Variants in SLC30A10 observed in about 807,000 individuals in gnomAD.
SLC30A10 encodes calcium/manganese antiporter SLC30A10.
In SLC30A10, 8 loss-of-function variants were observed where a neutral mutation model predicts 21.7. The observed-to-expected ratio is 0.37, with a 90% CI of 0.22 to 0.67. SLC30A10 has a LOEUF of 0.67. Among genes scored for constraint, SLC30A10 ranks in the 30% least tolerant of loss-of-function variants. The probability of loss-of-function intolerance (pLI) is 0.58; values close to 1 mark genes in which losing one functional copy is unlikely to be tolerated. For synonymous variants in SLC30A10, 272 were observed against 279.4 expected, an observed-to-expected ratio of 0.97 and a Z score of 0.26; for missense variants, 521 against 642.5, an observed-to-expected ratio of 0.81 and a Z score of 2.04.
At chr1:219,957,291 G>A (rs1401604994) in intron 1 of SLC30A10, among the ~76,000 whole-genome samples, 1 of 151,986 alleles carries the variant, frequency 6.6e-6, no homozygotes, top group African/African-American at 2.4e-5. Context: ...CAGGAAAATC[G>A]ACACAGAGGT....
intron 1 of SLC30A10, among the ~76,000 whole-genome samples, chr1:219,939,492 T>G (rs1694595): frequency 0.85 from 129,301 of 151,930 alleles, 55,424 homozygotes; most frequent in African/African-American, 0.96. Context: ...CAGTGGCCAT[T>G]ATCTTGGATC....
At chr1:219,949,766 TAAAATA>T (rs1372503903) in intron 1 of SLC30A10, among the ~76,000 whole-genome samples, 6 of 150,670 alleles carry the variant, frequency 4.0e-5, no homozygotes, top group Non-Finnish European at 5.9e-5. Context: ...TAAAATAAAA[TAAAATA>T]AAAATAAAAA....
chr1:219,938,825 A>T (rs1280822075), intron 1 of SLC30A10, among the ~76,000 whole-genome samples: 1 of 152,152 alleles, frequency 6.6e-6, no homozygotes, highest in Non-Finnish European at 1.5e-5. Context: ...TAACCCATGG[A>T]GATTGAGCCT....
chr1:219,916,025 C>T (rs1456467096), intron 3 of SLC30A10, 77 bp from the exon 4 acceptor site: 35 of 1,527,094 alleles, frequency 2.3e-5, no homozygotes, highest in South Asian at 7.7e-5. Flanking sequence ...GGATATGGTT[C>T]CGTTAAGCAT....
At chr1:219,958,132 T>C (rs1298917072) in intron 1 of SLC30A10, among the ~76,000 whole-genome samples, 1 of 152,184 alleles carries the variant, frequency 6.6e-6, no homozygotes, top group Non-Finnish European at 1.5e-5. Context: ...GTTGGTTATG[T>C]AGCCCAGTAC....
intron 1 of SLC30A10, among the ~76,000 whole-genome samples, chr1:219,952,343 T>A (rs1660282511): frequency 6.6e-6 from 1 of 152,252 alleles, no homozygotes; most frequent in African/African-American, 2.4e-5. Context: ...TTAGAAAGTT[T>A]AAGTGACTTT....
intron 1 of SLC30A10, among the ~76,000 whole-genome samples, chr1:219,944,312 G>A (rs981948167): frequency 6.6e-6 from 1 of 152,062 alleles, no homozygotes; most frequent in Admixed American, 6.5e-5. Context: ...GCCAGGCATG[G>A]TGGTGGGCAC....
intron 1 of SLC30A10, among the ~76,000 whole-genome samples, chr1:219,946,605 C>T (rs757954407): frequency 3.3e-5 from 5 of 152,088 alleles, no homozygotes; most frequent in African/African-American, 9.7e-5. Context: ...CTCTCACTGG[C>T]GGGTTAGGTT....
At chr1:219,927,155 C>T (rs377691445) in intron 1 of SLC30A10, 50 bp from the exon 2 acceptor site, 2 of 1,554,060 alleles carry the variant, frequency 1.3e-6, no homozygotes, top group African/African-American at 2.8e-5. Context: ...TACAAACAAA[C>T]AAAAAAAAAC....
chr1:219,910,881 G>A lies in SLC30A10; in HGVS notation c.*4568C>T, dbSNP rs1177600732. ...AAAGAGAAGCACCAGAAAATGACTCGTCTGCATTATCTAAACTCCAGATGG... is the reference window on the plus strand; with the variant it reads ...AAAGAGAAGCACCAGAAAATGACTCATCTGCATTATCTAAACTCCAGATGG... On this transcript the variant is annotated 3_prime_UTR_variant, in exon 4 of 4. Coordinates refer to ENST00000366926, the MANE Select transcript of SLC30A10 (RefSeq NM_018713.3). Among the ~76,000 whole-genome samples the A allele has an allele frequency of 2.6e-5, 4 of 152,128 alleles. No individual in the cohort carries two copies. The highest frequency in any genetic ancestry group is 7.2e-5 in the African/African-American group (3 of 41,426).
intron 1 of SLC30A10, among the ~76,000 whole-genome samples, chr1:219,948,618 G>A (rs991090499): frequency 6.6e-6 from 1 of 152,024 alleles, no homozygotes; most frequent in Non-Finnish European, 1.5e-5. Flanking sequence ...AATTCAAGAT[G>A]GATTAAAGAC....
At chr1:219,919,883 C>T (rs1044104382) in intron 2 of SLC30A10, among the ~76,000 whole-genome samples, 3 of 152,090 alleles carry the variant, frequency 2.0e-5, no homozygotes, top group Non-Finnish European at 2.9e-5. Flanking sequence ...CTTTGTCTCT[C>T]CATGTATTCC....
At chr1:219,955,134 G>A (rs1273081804) in intron 1 of SLC30A10, among the ~76,000 whole-genome samples, 5 of 152,172 alleles carry the variant, frequency 3.3e-5, no homozygotes, top group African/African-American at 1.2e-4. Flanking sequence ...ACTGGCTCGT[G>A]ACAAGTATCT....
chr1:219,951,488 G>A (rs1453005463), intron 1 of SLC30A10, among the ~76,000 whole-genome samples: 3 of 151,720 alleles, frequency 2.0e-5, no homozygotes, highest in Non-Finnish European at 2.9e-5. Context: ...TTGGGAGGCC[G>A]AGGCGTGTGG....
chr1:219,922,172 GTGTGTTTTTTTTTTTTTTTTTTTTTTTT>G (rs1659702713), intron 2 of SLC30A10, among the ~76,000 whole-genome samples: 1 of 46,082 alleles, frequency 2.2e-5, no homozygotes, highest in Non-Finnish European at 3.6e-5. Flanking sequence ...GTGTGTGTGT[GTGTGTTTTTTTTTTTTTTTTTTTTTTTT>G]TTTTTTTTTT....
rs554097621 is a variant in SLC30A10, at chr1:219,916,090, C to T, written c.959-142G>A. The T allele has an allele frequency of 3.5e-5, 35 of 1,010,664 alleles. 1 individual carries two copies. The highest frequency in any genetic ancestry group is 6.5e-4 in the Middle Eastern group (2 of 3,096). The allele number at this position is 1,010,664 out of a possible 1,614,324, so 62.6% of individuals were successfully genotyped here. On this transcript the variant is annotated intron_variant, in intron 3 of 3. Transcript: ENST00000366926. ...GAACAGCTGGAAGAAATTAGTTCTA[C>T]CTCTGTGGGTACATTTGCCCTTAAC...
chr1:219,954,694 A>C (rs923421182), intron 1 of SLC30A10, among the ~76,000 whole-genome samples: 5 of 151,140 alleles, frequency 3.3e-5, no homozygotes, highest in Non-Finnish European at 5.9e-5. Flanking sequence ...AAAAAAAAAA[A>C]AAAAAAAAAA....
In SLC30A10 at chr1:219,914,891, A is replaced by G. The variant is rs1165857848; in HGVS notation, c.*558T>C. The G allele has an allele frequency of 2.0e-5, 3 of 153,140 alleles. No homozygotes were observed. The highest frequency in any genetic ancestry group is 1.9e-4 in the Admixed American group (3 of 15,430). 9.5% of individuals were successfully genotyped at this position (153,140 alleles called of 1,614,324 possible). On this transcript the variant is annotated 3_prime_UTR_variant, in exon 4 of 4. Transcript: ENST00000366926. ...TTTACCTCCTCTAGAATGTTCTGAG[A>G]ATATTTTCTACCTTAATAGTTATTC...
Position 219,914,261 on chromosome 1 carries a change from A to G in SLC30A10, c.*1188T>C, listed in dbSNP as rs535541750. 5.9e-5 allele frequency: 9 copies of G among 152,312 alleles called. No homozygotes were observed. The East Asian group carries it at 1.7e-3, about 29-fold the overall frequency. The allele number at this position is 152,312 out of a possible 1,614,324, so 9.4% of individuals were successfully genotyped here. A position where few individuals can be genotyped will look rare whatever the true frequency, so the allele number is the denominator to read the frequency against. ...CATGACAGATGCTTCTCTACTACCAACATAGTTTGGTTATGGGTCTGAATC... is the reference window on the plus strand; with the variant it reads ...CATGACAGATGCTTCTCTACTACCAGCATAGTTTGGTTATGGGTCTGAATC... On this transcript the variant is annotated 3_prime_UTR_variant, in exon 4 of 4. Transcript: ENST00000366926.
Sources: allele counts gnomAD v4.1 joint callset (sites outside exome capture counted in the v4.1 genomes callset), GRCh38; gene constraint gnomAD v4.1.1; transcripts MANE v1.5; gene names NCBI Gene and HGNC (gene_info 2026-07-23, HGNC 2026-07-21).